The following TSPAN14 variants were observed in gnomAD, a reference collection of about 807,000 sequenced individuals.
The protein encoded by TSPAN14 is tetraspanin-14.
In TSPAN14, 16 loss-of-function variants were observed where a neutral mutation model predicts 36.6. The observed-to-expected ratio is 0.44, with a 90% confidence interval of 0.30 to 0.66. The LOEUF is 0.66. Among genes scored for constraint, TSPAN14 ranks in the 30% least tolerant of loss-of-function variants. The pLI is 0.12. For synonymous variants in TSPAN14, 139 were observed against 143.8 expected (o/e 0.97, Z 0.24); for missense variants, 231 against 355.1 (o/e 0.65, Z 2.81).
At chr10:80,506,011 G>T (rs867255877) in intron 3 of TSPAN14, among the ~76,000 whole-genome samples, 1 of 152,212 alleles carries the variant, frequency 6.6e-6, no homozygotes, top group Non-Finnish European at 1.5e-5. Flanking sequence ...AGACTCTGTT[G>T]CCCAGGCCGG....
rs531657164 is a variant in TSPAN14, at chr10:80,516,733, G to A, written c.741+410G>A. Among the ~76,000 whole-genome samples the A allele has an allele frequency of 6.6e-5, 10 of 152,268 alleles. No homozygotes were observed. The South Asian group carries it at 2.1e-3, about 32-fold the overall frequency. ...ACCCTTGGTCACCTGGGGCCTGAGG[G>A]TGGCCTGAGGCTCACGTGTGTGCAC... On this transcript the variant is annotated intron_variant, in intron 8 of 8. Coordinates refer to ENST00000429989, the Ensembl canonical transcript of TSPAN14.
chr10:80,517,735 G>A (rs1246717280), intron 8 of TSPAN14, among the ~76,000 whole-genome samples, 170 bp from the exon 9 acceptor site: 1 of 152,042 alleles, frequency 6.6e-6, no homozygotes, highest in East Asian at 1.9e-4. Flanking sequence ...TTTTGCGGGA[G>A]GGGTGGCTGT....
intron 1 of TSPAN14, among the ~76,000 whole-genome samples, chr10:80,477,675 C>G (rs765053694): frequency 3.3e-5 from 5 of 152,200 alleles, no homozygotes; most frequent in African/African-American, 4.8e-5. Flanking sequence ...TCCATCCCTT[C>G]CTTTCCTTCC....
chr10:80,459,014 C>T (rs1012396509), intron 1 of TSPAN14, among the ~76,000 whole-genome samples: 9 of 150,286 alleles, frequency 6.0e-5, no homozygotes, highest in Non-Finnish European at 1.2e-4. Context: ...CTACTTTTCT[C>T]ATCTGTAAAG....
intron 1 of TSPAN14, among the ~76,000 whole-genome samples, chr10:80,470,236 C>T (rs1004990819): frequency 6.6e-6 from 1 of 152,212 alleles, no homozygotes; most frequent in Non-Finnish European, 1.5e-5. Context: ...CAGGTGTGCG[C>T]CACCAGGCCT....
At chr10:80,492,233 A>G (rs1425991859) in intron 2 of TSPAN14, among the ~76,000 whole-genome samples, 1 of 152,186 alleles carries the variant, frequency 6.6e-6, no homozygotes, top group Non-Finnish European at 1.5e-5. Flanking sequence ...GGATAATAAA[A>G]TGAACTCCAT....
rs1021582130 is a variant in TSPAN14, at chr10:80,480,967, G to A, written c.-17-8250G>A. 2.6e-5 allele frequency among the ~76,000 whole-genome samples: 4 copies of A among 152,114 alleles called. No individual in the cohort carries two copies. The East Asian group carries it at 7.7e-4, about 29-fold the overall frequency. On this transcript the variant is annotated intron_variant, in intron 1 of 8. Transcript: ENST00000429989. ...AAAAGAATATAAAAATTAGCTGGGC[G>A]TGGTGGTGCATGCCTGTATCCTAGC...
chr10:80,497,887 C>T (rs1308576866), intron 2 of TSPAN14, among the ~76,000 whole-genome samples: 6 of 152,196 alleles, frequency 3.9e-5, no homozygotes, highest in African/African-American at 7.2e-5. Flanking sequence ...ACCACCCTTC[C>T]GGCAGGAGGA....
intron 2 of TSPAN14, among the ~76,000 whole-genome samples, chr10:80,490,345 T>C (rs919352047): frequency 6.6e-6 from 1 of 152,114 alleles, no homozygotes; most frequent in East Asian, 1.9e-4. Context: ...GCATGGAAGA[T>C]GGGTGTGTTG....
chr10:80,498,719 A>AT (rs1240672097), intron 2 of TSPAN14, among the ~76,000 whole-genome samples: 3 of 152,336 alleles, frequency 2.0e-5, no homozygotes, highest in South Asian at 4.1e-4. Context: ...GCGGGAGGGC[A>AT]TGGCCACCTT....
chr10:80,476,409 G>GTTTTTTTTTTTTTTTTTTTTTTTTTTTTT (rs60589813), intron 1 of TSPAN14, among the ~76,000 whole-genome samples: 1 of 85,046 alleles, frequency 1.2e-5, no homozygotes. Flanking sequence ...TTGTTTTACT[G>GTTTTTTTTTTTTTTTTTTTTTTTTTTTTT]TTTTTTTTTT....
chr10:80,467,823 G>A lies in TSPAN14; in HGVS notation c.-18+13452G>A, dbSNP rs569348337. Among the ~76,000 whole-genome samples the A allele has an allele frequency of 1.4e-4, 22 of 152,276 alleles. No individual in the cohort carries two copies. The Middle Eastern group carries it at 0.01, about 71-fold the overall frequency. On this transcript the variant is annotated intron_variant, in intron 1 of 8. Coordinates refer to ENST00000429989, the Ensembl canonical transcript of TSPAN14. ...TGTGGCCCCTGGAGTTCACTGATGA[G>A]TAGTCTTACCTTGGACCTCGCCTTG...
chr10:80,517,769 C>G (rs1234741721), intron 8 of TSPAN14, 136 bp from the exon 9 acceptor site: 12 of 815,010 alleles, frequency 1.5e-5, no homozygotes, highest in Non-Finnish European at 2.2e-5. Context: ...CTCTGCGGTG[C>G]TGTCTCTACG....
intron 1 of TSPAN14, among the ~76,000 whole-genome samples, chr10:80,461,556 T>C (rs1845969913): frequency 6.6e-6 from 1 of 152,110 alleles, no homozygotes; most frequent in Admixed American, 6.5e-5. Context: ...TCTGGGGTGC[T>C]AAGTGTGTGA....
intron 3 of TSPAN14, 138 bp downstream of exon 3, chr10:80,504,916 T>C (rs1840202337): frequency 2.2e-6 from 2 of 927,244 alleles, no homozygotes; most frequent in Admixed American, 2.1e-5. Flanking sequence ...TGTCAATCTT[T>C]ACAGACACAG....
At chr10:80,493,038 C>G (rs1304143209) in intron 2 of TSPAN14, among the ~76,000 whole-genome samples, 1 of 152,124 alleles carries the variant, frequency 6.6e-6, no homozygotes, top group Non-Finnish European at 1.5e-5. Context: ...TCATGAGGTT[C>G]TTATCACAAG....
exon 9 of TSPAN14, chr10:80,522,024 TG>T (rs1841291484): frequency 6.6e-6 from 1 of 152,192 alleles, no homozygotes; most frequent in Non-Finnish European, 1.5e-5. Flanking sequence ...TGTGTAACTT[TG>T]GAAGAAAAAG....
At chr10:80,472,422 C>T (rs144727353) in intron 1 of TSPAN14, among the ~76,000 whole-genome samples, 11 of 152,264 alleles carry the variant, frequency 7.2e-5, no homozygotes, top group East Asian at 1.9e-4. Flanking sequence ...TGACAATGAT[C>T]GCTTGCTTAT....
intron 1 of TSPAN14, among the ~76,000 whole-genome samples, chr10:80,482,137 C>A (rs1254975387): frequency 2.0e-5 from 3 of 152,150 alleles, no homozygotes; most frequent in African/African-American, 7.2e-5. Flanking sequence ...AAAGGGAAAA[C>A]CTGACTTAAG....
Sources: allele counts gnomAD v4.1 joint callset (sites outside exome capture counted in the v4.1 genomes callset), GRCh38; gene constraint gnomAD v4.1.1; transcripts MANE v1.5; gene names NCBI Gene and HGNC (gene_info 2026-07-23, HGNC 2026-07-21).